The following NOVA2 variants were observed in gnomAD, a reference collection of about 807,000 sequenced individuals.
NOVA2 encodes the protein RNA-binding protein Nova-2.
Under a neutral mutation model 22.5 loss-of-function variants are expected in NOVA2, and 9 were observed. The observed-to-expected ratio is 0.40, with a 90% CI of 0.24 to 0.70. NOVA2 has a LOEUF of 0.70. Among genes scored for constraint, NOVA2 ranks in the 30% least tolerant of loss-of-function variants. The pLI is 0.38. For missense variants in NOVA2, 383 were observed against 682.8 expected (o/e 0.56, Z 4.89); for synonymous variants, 318 against 335.2 (o/e 0.95, Z 0.56).
intron 1 of NOVA2, 44 bp downstream of exon 1, chr19:45,973,223 G>T (rs1046612708): frequency 3.4e-6 from 4 of 1,188,562 alleles, no homozygotes; most frequent in Non-Finnish European, 2.3e-6. Context: ...GAAAGGCGAG[G>T]CCCCCTGCCC....
At chr19:45,960,957 A>G in intron 2 of NOVA2, 53 bp downstream of exon 2, 2 of 1,525,302 alleles carry the variant, frequency 1.3e-6, no homozygotes, top group Non-Finnish European at 1.8e-6. Flanking sequence ...GGTGGGAGGG[A>G]GAAAGGGAGG....
rs368021609 is a variant in NOVA2, at chr19:45,940,919, C to T, written c.423G>A (p.Thr141=). 4.5e-5 allele frequency: 72 copies of T among 1,604,264 alleles called. No individual in the cohort carries two copies. Among genetic ancestry groups the T allele is most frequent in the Non-Finnish European group, 5.7e-5 (67 of 1,179,738 alleles). ...KQAKLIVPNS[T]AGLIIGKGGA... ...CTCCCTTGCCGATGATCAGGCCCGC[C>T]GTGCTGTTGGGGACGATCAGCTTGG... Residue 141 remains threonine, a synonymous_variant, in exon 4 of 4, where the codon ACG becomes ACA. Coordinates refer to ENST00000263257, the MANE Select transcript of NOVA2 (RefSeq NM_002516.4).
chr19:45,969,989 C>T (rs1235977955), intron 1 of NOVA2, among the ~76,000 whole-genome samples: 3 of 152,156 alleles, frequency 2.0e-5, no homozygotes, highest in Non-Finnish European at 4.4e-5. Context: ...CCAGGAAAAG[C>T]CCTCTGAGCC....
At chr19:45,964,179 CTTTTTTT>C (rs10555207) in intron 1 of NOVA2, among the ~76,000 whole-genome samples, 3 of 106,938 alleles carry the variant, frequency 2.8e-5, no homozygotes, top group African/African-American at 9.5e-5. Flanking sequence ...TTTTCTTTTT[CTTTTTTT>C]TTTTTTTTTT....
At chr19:45,961,787 A>T (rs1011253760) in intron 1 of NOVA2, among the ~76,000 whole-genome samples, 1 of 152,208 alleles carries the variant, frequency 6.6e-6, no homozygotes, top group Non-Finnish European at 1.5e-5. Context: ...TGAGATTTGG[A>T]GTCCATGCTC....
At chr19:45,960,886 G>A in intron 2 of NOVA2, 124 bp downstream of exon 2, 2 of 1,006,778 alleles carry the variant, frequency 2.0e-6, no homozygotes, top group Non-Finnish European at 2.8e-6. Flanking sequence ...GGGAAGGGGA[G>A]GCCCCCTCCC....
In NOVA2 at chr19:45,973,765, TG is replaced by T. The variant is rs1968268132; in HGVS notation, c.-415del. 7.1e-6 allele frequency among the ~76,000 whole-genome samples: 1 copy of T among 140,600 alleles called. No individual in the cohort carries two copies. The highest frequency in any genetic ancestry group is 2.3e-4 in the South Asian group (1 of 4,364). The allele number at this position is 140,600 out of a possible 152,430, so 92.2% of individuals were successfully genotyped here. On this transcript the variant is annotated 5_prime_UTR_variant, in exon 1 of 4. Transcript: ENST00000263257. Reference sequence around the variant, plus strand: ...ATAGGGCCGGGAAAGAACTGAGAGGTGGGGTCTCTCCTGGGACCACAGAGGC... The same window carrying T: ...ATAGGGCCGGGAAAGAACTGAGAGGTGGGTCTCTCCTGGGACCACAGAGGC...
At chr19:45,953,277 G>A (rs904517186) in intron 3 of NOVA2, among the ~76,000 whole-genome samples, 1 of 152,206 alleles carries the variant, frequency 6.6e-6, no homozygotes. Flanking sequence ...TTCCTGGAGA[G>A]GGCTGTGTAG....
At chr19:45,973,209 T>G in intron 1 of NOVA2, 58 bp downstream of exon 1, 2 of 941,688 alleles carry the variant, frequency 2.1e-6, no homozygotes, top group South Asian at 1.9e-5. Context: ...GGGGAAAGGA[T>G]GGAGAAAGGC....
At position 45,935,803 on chromosome 19, in the gene NOVA2, C is replaced by A. The variant is rs1967644996; in HGVS notation, c.*4060G>T. ...GGGATGGAGGAACAGGGAGGAGAAACAGAATGAGGGGATATTGAAGGATTT... is the reference window on the plus strand; with the variant it reads ...GGGATGGAGGAACAGGGAGGAGAAAAAGAATGAGGGGATATTGAAGGATTT... On this transcript the variant is annotated 3_prime_UTR_variant, in exon 4 of 4. Transcript: ENST00000263257. 6.6e-6 allele frequency: 1 copy of A among 152,168 alleles called. No homozygotes were observed. The highest frequency in any genetic ancestry group is 1.5e-5 in the Non-Finnish European group (1 of 68,062). The allele number at this position is 152,168 out of a possible 1,614,324, so 9.4% of individuals were successfully genotyped here.
At chr19:45,960,737 G>A (rs1968082474) in intron 2 of NOVA2, among the ~76,000 whole-genome samples, 1 of 152,130 alleles carries the variant, frequency 6.6e-6, no homozygotes, top group Non-Finnish European at 1.5e-5. Flanking sequence ...GAGGGGGCAG[G>A]TGTGTGGGAA....
At chr19:45,950,523 G>C (rs570973732) in intron 3 of NOVA2, among the ~76,000 whole-genome samples, 89 of 152,316 alleles carry the variant, frequency 5.8e-4, no homozygotes, top group African/African-American at 1.8e-3. Flanking sequence ...GAAGCGCTAA[G>C]CCAATGGCAG....
chr19:45,941,820 C>T (rs566713481), intron 3 of NOVA2, among the ~76,000 whole-genome samples: 2 of 152,296 alleles, frequency 1.3e-5, no homozygotes, highest in African/African-American at 4.8e-5. Flanking sequence ...TCAGTAGCCC[C>T]TCAACCACCC....
intron 2 of NOVA2, among the ~76,000 whole-genome samples, chr19:45,954,989 C>T (rs938025220): frequency 5.9e-5 from 9 of 151,802 alleles, no homozygotes; most frequent in African/African-American, 1.7e-4. Context: ...ACAGTGATTC[C>T]GGTGAAGATG....
chr19:45,964,794 CA>C (rs1296805139), intron 1 of NOVA2, among the ~76,000 whole-genome samples: 1 of 152,060 alleles, frequency 6.6e-6, no homozygotes, highest in Non-Finnish European at 1.5e-5. Context: ...CTCCTGAGCT[CA>C]AGGGATCCAA....
At chr19:45,958,360 TGTGTGTGTGTGTGAGA>T (rs1209058414) in intron 2 of NOVA2, among the ~76,000 whole-genome samples, 2 of 146,120 alleles carry the variant, frequency 1.4e-5, no homozygotes, top group Non-Finnish European at 3.1e-5. Context: ...GTGCTGTGTG[TGTGTGTGTGTGTGAGA>T]GTGTGTGTGT....
chr19:45,973,272 G>T lies in NOVA2; in HGVS notation c.80C>A (p.Thr27Lys). Residue 27 changes from threonine to lysine, a missense_variant, in exon 1 of 4, where the codon ACG becomes AAG. Coordinates refer to ENST00000263257, the MANE Select transcript of NOVA2 (RefSeq NM_002516.4). ...PEVVCTKRSN[T>K]GEEGEYFLKV... The stretch of plus-strand genomic sequence containing the variant: ...GAGCCGCAGCCCTTTCTCACCTCCC[G>T]TGTTGCTGCGCTTGGTGCAGACCAC... 6.8e-7 allele frequency: 1 copy of T among 1,464,374 alleles called. No homozygotes were observed. 90.7% of individuals were successfully genotyped at this position (1,464,374 alleles called of 1,614,324 possible). A position where few individuals can be genotyped will look rare whatever the true frequency, so the allele number is the denominator to read the frequency against.
intron 2 of NOVA2, 37 bp downstream of exon 2, chr19:45,960,973 C>T (rs1409067974): frequency 1.9e-6 from 3 of 1,546,828 alleles, no homozygotes; most frequent in East Asian, 2.4e-5. Context: ...GGAGGAAGGG[C>T]GGGGGGCCTA....
intron 1 of NOVA2, among the ~76,000 whole-genome samples, chr19:45,965,749 T>C (rs772895497): frequency 2.0e-5 from 3 of 151,642 alleles, no homozygotes; most frequent in Non-Finnish European, 4.4e-5. Context: ...AAAAAGTGCA[T>C]TTTGCCACTG....
Sources: allele counts gnomAD v4.1 joint callset (sites outside exome capture counted in the v4.1 genomes callset), GRCh38; gene constraint gnomAD v4.1.1; transcripts MANE v1.5; gene names NCBI Gene and HGNC (gene_info 2026-07-23, HGNC 2026-07-21).